The following SYNPO2L variants were observed in gnomAD, a reference collection of about 807,000 sequenced individuals.
SYNPO2L encodes the protein synaptopodin 2 like.
Under a neutral mutation model 47.5 loss-of-function variants are expected in SYNPO2L, and 34 were observed. The observed-to-expected ratio is 0.72, with a 90% confidence interval of 0.54 to 0.95. The LOEUF is 0.95. SYNPO2L is among the 40% of genes least tolerant of loss of function. SYNPO2L has a pLI of 0.00. For missense variants in SYNPO2L, 1,246 were observed against 1,282.0 expected (o/e 0.97, Z 0.43); for synonymous variants, 536 against 524.9 (o/e 1.02, Z -0.29).
At position 73,645,170 on chromosome 10, in the gene SYNPO2L, C is replaced by A; in HGVS notation, c.*1548G>T. ...AAGCTGCAGAAGACACACTGAAGAA[C>A]AGACTCAAGGAAAATCACACAGACA... On this transcript the variant is annotated 3_prime_UTR_variant, in exon 4 of 4. Transcript: ENST00000394810. 5 of 1,180,762 alleles carry A rather than the reference C, an allele frequency of 4.2e-6. No homozygotes were observed. Among genetic ancestry groups the A allele is most frequent in the Non-Finnish European group, 5.3e-6 (5 of 938,606 alleles). The allele number at this position is 1,180,762 out of a possible 1,614,324, so 73.1% of individuals were successfully genotyped here. A position where few individuals can be genotyped will look rare whatever the true frequency, so the allele number is the denominator to read the frequency against.
chr10:73,647,938 TAGG>T lies in SYNPO2L; in HGVS notation c.1711_1713del (p.Pro571del), dbSNP rs1424280741. ...GCGGTGGAGGTCATGGCAGCTGCGCTAGGAGGAGCGGGGGGCTCTGGAGCTCCA... is the reference window on the plus strand; with the variant it reads ...GCGGTGGAGGTCATGGCAGCTGCGCTAGGAGCGGGGGGCTCTGGAGCTCCA... On this transcript the variant is annotated inframe_deletion, in exon 4 of 4. Coordinates refer to ENST00000394810, the MANE Select transcript of SYNPO2L (RefSeq NM_001114133.3). 1 of 1,530,506 alleles carries T rather than the reference TAGG, an allele frequency of 6.5e-7. No homozygotes were observed. Among genetic ancestry groups the T allele is most frequent in the East Asian group, 2.3e-5 (1 of 44,188 alleles). 94.8% of individuals were successfully genotyped at this position (1,530,506 alleles called of 1,614,324 possible).
Position 73,653,448 on chromosome 10 carries a change from G to A in SYNPO2L, c.463C>T (p.Arg155Cys), listed in dbSNP as rs1175579004. The A allele has an allele frequency of 1.1e-5, 17 of 1,551,330 alleles. No homozygotes were observed. Among genetic ancestry groups the A allele is most frequent in the Admixed American group, 3.9e-5 (2 of 50,986 alleles). ...ADGPATQEKP[R>C]RPRRRGPTRP... Reference sequence around the variant, plus strand: ...GTGGGGCCTCGGCGGCGAGGTCGACGGGGCTTCTCCTGGGTGGCAGGGCCA... The same window carrying A: ...GTGGGGCCTCGGCGGCGAGGTCGACAGGGCTTCTCCTGGGTGGCAGGGCCA... Residue 155 changes from arginine (R) to cysteine (C), a missense_variant, in exon 3 of 4, where the codon CGT (arginine) becomes TGT (cysteine). Physicochemically the swap from Arg to Cys is radical, Grantham distance 180. Coordinates refer to ENST00000394810, the MANE Select transcript of SYNPO2L (RefSeq NM_001114133.3).
Position 73,645,886 on chromosome 10 carries a change from G to A in SYNPO2L, c.*832C>T, listed in dbSNP as rs1383388366. 7.2e-6 allele frequency: 7 copies of A among 967,748 alleles called. No individual in the cohort carries two copies. The South Asian group carries it at 1.4e-4, about 20-fold the overall frequency. 59.9% of individuals were successfully genotyped at this position (967,748 alleles called of 1,614,324 possible). On this transcript the variant is annotated 3_prime_UTR_variant, in exon 4 of 4. Transcript: ENST00000394810. ...GTCGCCCAGGCTGGAGTGCAGTGGC[G>A]CAATCTCAGCTCACTGCAAGCTCCG...
At position 73,647,463 on chromosome 10, in the gene SYNPO2L, G is replaced by A; in HGVS notation, c.2189C>T (p.Pro730Leu). 1 of 1,600,134 alleles carries A rather than the reference G, an allele frequency of 6.2e-7. No homozygotes were observed. Among genetic ancestry groups the A allele is most frequent in the Non-Finnish European group, 8.5e-7 (1 of 1,171,078 alleles). ...GAGCCCATCAAGGAGCCCTCGAGAT[G>A]GGGGCTTAGGAGCCACTGGGGGTGG... ...KTPPPVAPKP[P>L]SRGLLDGLVN... Residue 730 changes from proline to leucine, a missense_variant, in exon 4 of 4, where the codon CCA becomes CTA. Physicochemically the swap from Pro to Leu is moderately conservative, Grantham distance 98 (BLOSUM62 -3). This residue lies in a region of SYNPO2L where 1,037 missense variants were observed against 1,021.5 expected (regional missense o/e 1.02). Coordinates refer to ENST00000394810, the MANE Select transcript of SYNPO2L (RefSeq NM_001114133.3).
At position 73,646,209 on chromosome 10, in the gene SYNPO2L, C is replaced by CACAT; in HGVS notation, c.*508_*509insATGT. 1 of 985,326 alleles carries CACAT rather than the reference C, an allele frequency of 1.0e-6. No individual in the cohort carries two copies. The highest frequency in any genetic ancestry group is 1.2e-6 in the Non-Finnish European group (1 of 829,596). 61.0% of individuals were successfully genotyped at this position (985,326 alleles called of 1,614,324 possible). On this transcript the variant is annotated 3_prime_UTR_variant, in exon 4 of 4. Transcript: ENST00000394810. ...ACACACACACACACACACACACACA[C>CACAT]ACACACACAGGCCTAGGTATATGCC... is the stretch of plus-strand genomic sequence containing the variant.
In SYNPO2L at chr10:73,648,326, C is replaced by T. The variant is rs770971600; in HGVS notation, c.1326G>A (p.Ala442=). 2 of 1,604,482 alleles carry T rather than the reference C, an allele frequency of 1.2e-6. No homozygotes were observed. Among genetic ancestry groups the T allele is most frequent in the South Asian group, 2.2e-5 (2 of 90,810 alleles). The change falls in exon 4 of 4, where the codon GCG becomes GCA. Residue 442 remains alanine, a synonymous_variant. Coordinates refer to ENST00000394810, the MANE Select transcript of SYNPO2L (RefSeq NM_001114133.3). The part of the protein sequence containing the change: ...AAVLPPSPLP[A]PVASPRPFQP... ...GGAAGGGTCTGGGGCTGGCTACAGGCGCCGGCAAGGGGCTGGGTGGGAGCA... is the reference window on the plus strand; with the variant it reads ...GGAAGGGTCTGGGGCTGGCTACAGGTGCCGGCAAGGGGCTGGGTGGGAGCA...
rs890714991 is a variant in SYNPO2L, at chr10:73,646,927, G to A, written c.2725C>T (p.Pro909Ser). ...AEPLAPTVLA[P>S]RAATTLDEPI... ...TCATCCAGTGTAGTGGCTGCTCGGG[G>A]GGCAAGCACAGTGGGAGCCAGGGGT... is the stretch of plus-strand genomic sequence containing the variant. The change falls in exon 4 of 4, where the codon CCC (proline) becomes TCC (serine). Residue 909 changes from proline to serine, a missense_variant. Physicochemically the swap from Pro to Ser is moderately conservative, Grantham distance 74 (BLOSUM62 -1). Around this residue, in one of 3 missense-constraint regions of SYNPO2L, gnomAD observed 1,037 missense variants for 1,021.5 expected, o/e 1.02. Transcript: ENST00000394810. 2.1e-5 allele frequency: 34 copies of A among 1,590,090 alleles called. No individual in the cohort carries two copies. The highest frequency in any genetic ancestry group is 1.7e-4 in the Middle Eastern group (1 of 5,918).
chr10:73,647,789 C>G lies in SYNPO2L; in HGVS notation c.1863G>C (p.Thr621=), dbSNP rs767453923. ...GGCGCCGGGCCTCCTGCAGGATACCCGTGCGGGCAGCTGGCACAGAGATGC... is the reference window on the plus strand; with the variant it reads ...GGCGCCGGGCCTCCTGCAGGATACCGGTGCGGGCAGCTGGCACAGAGATGC... ...EQRISVPAAR[T]GILQEARRRG... The change falls in exon 4 of 4, where the codon ACG becomes ACC. Residue 621 remains threonine (T), a synonymous_variant. Coordinates refer to ENST00000394810, the MANE Select transcript of SYNPO2L (RefSeq NM_001114133.3). 1.5e-5 allele frequency: 24 copies of G among 1,611,102 alleles called. No homozygotes were observed. The highest frequency in any genetic ancestry group is 1.1e-5 in the South Asian group (1 of 90,828).
In SYNPO2L at chr10:73,653,385, A is replaced by G; in HGVS notation, c.526T>C (p.Tyr176His). The G allele has an allele frequency of 6.4e-7, 1 of 1,551,548 alleles. No homozygotes were observed. Among genetic ancestry groups the G allele is most frequent in the Non-Finnish European group, 8.7e-7 (1 of 1,146,958 alleles). Residue 176 changes from tyrosine (Y) to histidine (H), a missense_variant, in exon 3 of 4, where the codon TAC becomes CAC. Tyr to His is a moderately conservative substitution (Grantham distance 83, BLOSUM62 2). Coordinates refer to ENST00000394810, the MANE Select transcript of SYNPO2L (RefSeq NM_001114133.3). Reference sequence around the variant, plus strand: ...GGCTCTGCAGGGCTGTCAGACAGGTAGACCTCATCAGGTGGGGCACCCGGA... The same window carrying G: ...GGCTCTGCAGGGCTGTCAGACAGGTGGACCTCATCAGGTGGGGCACCCGGA... ...TPPGAPPDEVYLSDSPAEPAP... is the reference protein window; with the variant it reads ...TPPGAPPDEVHLSDSPAEPAP...
chr10:73,653,436 G>A lies in SYNPO2L; in HGVS notation c.475C>T (p.Arg159Cys). 1.4e-5 allele frequency: 21 copies of A among 1,551,454 alleles called. 1 individual carries two copies. The highest frequency in any genetic ancestry group is 5.9e-5 in the South Asian group (5 of 84,052). Residue 159 changes from arginine (R) to cysteine (C), a missense_variant, in exon 3 of 4, where the codon CGC (arginine) becomes TGC (cysteine). Physicochemically the swap from Arg to Cys is radical, Grantham distance 180 (BLOSUM62 -3). This residue lies in a region of SYNPO2L where 148 missense variants were observed against 204.8 expected (regional missense o/e 0.72). Coordinates refer to ENST00000394810, the MANE Select transcript of SYNPO2L (RefSeq NM_001114133.3). Reference sequence around the variant, plus strand: ...GGGGTGGGCCTTGTGGGGCCTCGGCGGCGAGGTCGACGGGGCTTCTCCTGG... The same window carrying A: ...GGGGTGGGCCTTGTGGGGCCTCGGCAGCGAGGTCGACGGGGCTTCTCCTGG... ...ATQEKPRRPR[R>C]RGPTRPTPPG...
chr10:73,648,132 G>A lies in SYNPO2L; in HGVS notation c.1520C>T (p.Pro507Leu), dbSNP rs773114857. 1.9e-6 allele frequency: 3 copies of A among 1,539,138 alleles called. No homozygotes were observed. The highest frequency in any genetic ancestry group is 1.3e-5 in the South Asian group (1 of 79,426). ...DSLGGLSPAP[P>L]PFLSSQGPTP... ...GGGCCCCTGCGAAGACAAGAAGGGG[G>A]GTGGGGCGGGGCTGAGGCCCCCCAG... The change falls in exon 4 of 4, where the codon CCC becomes CTC. Residue 507 changes from proline to leucine, a missense_variant. Transcript: ENST00000394810.
At position 73,655,781 on chromosome 10, in the gene SYNPO2L, C is replaced by G. The variant is rs770075847; in HGVS notation, c.105+37G>C. 5.2e-5 allele frequency: 69 copies of G among 1,320,534 alleles called. 1 individual carries two copies. The African/African-American group carries it at 8.7e-4, about 17-fold the overall frequency. 81.8% of individuals were successfully genotyped at this position (1,320,534 alleles called of 1,614,324 possible). ...CTCTTCCCAGGATCCCTTGGGTTCC[C>G]TTTCCCTGAAGCCTCATTTCAGGGG... On this transcript the variant is annotated intron_variant, in intron 1 of 3. Coordinates refer to ENST00000394810, the MANE Select transcript of SYNPO2L (RefSeq NM_001114133.3).
At position 73,655,905 on chromosome 10, in the gene SYNPO2L, C is replaced by A. The variant is rs374467816; in HGVS notation, c.18G>T (p.Glu6Asp). The change falls in exon 1 of 4, where the codon GAG becomes GAT. Residue 6 changes from glutamate (E) to aspartate (D), a missense_variant. Coordinates refer to ENST00000394810, the MANE Select transcript of SYNPO2L (RefSeq NM_001114133.3). MGAEEEVLVTLSGGAP... is the reference protein window; with the variant it reads MGAEEDVLVTLSGGAP... ...CTCCCCCTGATAGTGTGACCAGCAC[C>A]TCCTCCTCAGCACCCATCGCTCAGC... 1.9e-6 allele frequency: 3 copies of A among 1,551,296 alleles called. No homozygotes were observed. In the South Asian group the frequency reaches 3.6e-5, roughly 18 times the overall value.
rs1045259049 is a variant in SYNPO2L at position 73,649,892 on chromosome 10, C to T, written c.773-1013G>A. On this transcript the variant is annotated intron_variant, in intron 3 of 3. Transcript: ENST00000394810. ...GCAACACTCCAAATCTTTAGGATACCTCAAGGTCGCCAGCTAAATATATTA... is the reference window on the plus strand; with the variant it reads ...GCAACACTCCAAATCTTTAGGATACTTCAAGGTCGCCAGCTAAATATATTA... 5 of 985,270 alleles carry T rather than the reference C, an allele frequency of 5.1e-6. No homozygotes were observed. The African/African-American group carries it at 8.7e-5, about 17-fold the overall frequency. The allele number at this position is 985,270 out of a possible 1,614,324, so 61.0% of individuals were successfully genotyped here.
In SYNPO2L at chr10:73,647,686, C is replaced by T. The variant is rs1414125516; in HGVS notation, c.1966G>A (p.Val656Ile). The change falls in exon 4 of 4, where the codon GTA becomes ATA. Residue 656 changes from valine (V) to isoleucine (I), a missense_variant. Physicochemically the swap from Val to Ile is conservative, Grantham distance 29 (BLOSUM62 3). Around this residue, in one of 3 missense-constraint regions of SYNPO2L, gnomAD observed 1,037 missense variants for 1,021.5 expected, o/e 1.02. Transcript: ENST00000394810. ...NSPNPELLSL[V>I]QNLDEKPRAG... ...CGAGGCTTTTCATCCAGGTTCTGTACCAGCGATAGCAGCTCGGGGTTGGGC... is the reference window on the plus strand; with the variant it reads ...CGAGGCTTTTCATCCAGGTTCTGTATCAGCGATAGCAGCTCGGGGTTGGGC... The T allele has an allele frequency of 2.5e-6, 4 of 1,614,074 alleles. No homozygotes were observed. Among genetic ancestry groups the T allele is most frequent in the Non-Finnish European group, 2.5e-6 (3 of 1,180,024 alleles).
Position 73,653,380 on chromosome 10 carries a change from C to T in SYNPO2L, c.531G>A (p.Leu177=), listed in dbSNP as rs1038168908. The T allele has an allele frequency of 6.4e-7, 1 of 1,551,554 alleles. No individual in the cohort carries two copies. The highest frequency in any genetic ancestry group is 8.7e-7 in the Non-Finnish European group (1 of 1,146,958). Residue 177 remains leucine, a synonymous_variant, in exon 3 of 4, where the codon CTG becomes CTA. Coordinates refer to ENST00000394810, the MANE Select transcript of SYNPO2L (RefSeq NM_001114133.3). ...GTGCTGGCTCTGCAGGGCTGTCAGACAGGTAGACCTCATCAGGTGGGGCAC... is the reference window on the plus strand; with the variant it reads ...GTGCTGGCTCTGCAGGGCTGTCAGATAGGTAGACCTCATCAGGTGGGGCAC... The part of the protein sequence containing the change: ...PPGAPPDEVY[L]SDSPAEPAPT...
rs2081770127 is a variant in SYNPO2L at position 73,647,357 on chromosome 10, C to T, written c.2295G>A (p.Arg765=). ...QGRGGELFAK[R]QSRADRYVVE... is the part of the protein sequence containing the mutation. ...CCACATACCTGTCCGCACGGCTCTG[C>T]CGCTTAGCAAACAGCTCCCCACCCC... is the stretch of plus-strand genomic sequence containing the variant. The change falls in exon 4 of 4, where the codon CGG becomes CGA. Residue 765 remains arginine (R), a synonymous_variant. Coordinates refer to ENST00000394810, the MANE Select transcript of SYNPO2L (RefSeq NM_001114133.3). 9 of 1,613,960 alleles carry T rather than the reference C, an allele frequency of 5.6e-6. No individual in the cohort carries two copies. In the Admixed American group the frequency reaches 1.2e-4, roughly 21 times the overall value.
At position 73,653,215 on chromosome 10, in the gene SYNPO2L, G is replaced by A. The variant is rs1211375891; in HGVS notation, c.696C>T (p.Ile232=). 2 of 1,501,110 alleles carry A rather than the reference G, an allele frequency of 1.3e-6. No individual in the cohort carries two copies. Among genetic ancestry groups the A allele is most frequent in the South Asian group, 2.6e-5 (2 of 75,644 alleles). The allele number at this position is 1,501,110 out of a possible 1,614,324, so 93.0% of individuals were successfully genotyped here. A position where few individuals can be genotyped will look rare whatever the true frequency, so the allele number is the denominator to read the frequency against. The part of the protein sequence containing the change: ...HGPLRPGPHL[I]PMVGPVPHPV... ...GGTGGGGAACAGGCCCCACCATAGG[G>A]ATGAGATGAGGACCAGGTCGGAGGG... Residue 232 remains isoleucine (I), a synonymous_variant, in exon 3 of 4, where the codon ATC becomes ATT. Transcript: ENST00000394810.
At position 73,646,874 on chromosome 10, in the gene SYNPO2L, T is replaced by C. The variant is rs566421478; in HGVS notation, c.2778A>G (p.Ser926=). 4 of 1,558,884 alleles carry C rather than the reference T, an allele frequency of 2.6e-6. No individual in the cohort carries two copies. In the African/African-American group the frequency reaches 4.1e-5, roughly 16 times the overall value. ...GAGGGGCTGGGCTAGGAACAGGGGC[T>C]GAGGCCAGTTCTGTTCTCCAGATGG... ...DEPIWRTELA[S]APVPSPAPPP... The change falls in exon 4 of 4, where the codon TCA becomes TCG. Residue 926 remains serine, a synonymous_variant. Coordinates refer to ENST00000394810, the MANE Select transcript of SYNPO2L (RefSeq NM_001114133.3).
Sources: gnomAD v4.1 joint callset for allele counts on GRCh38, gnomAD v4.1.1 for gene constraint, gnomAD v4.1.1 regional missense constraint, MANE v1.5 for transcripts, NCBI Gene and HGNC (gene_info 2026-07-23, HGNC 2026-07-21) for gene names.